The following ZNF385B variants were observed in gnomAD, a reference collection of about 807,000 sequenced individuals.
ZNF385B encodes the protein zinc finger protein 533.
In ZNF385B, 23 loss-of-function variants were observed where a neutral mutation model predicts 39.2. The ratio of observed to expected loss-of-function variants is 0.59; its 90% CI spans 0.42 to 0.83. The LOEUF is 0.83. Among genes scored for constraint, ZNF385B ranks in the 40% least tolerant of loss-of-function variants. ZNF385B has a pLI of 0.00. For missense variants in ZNF385B, 552 were observed against 598.9 expected (o/e 0.92, Z 0.82); for synonymous variants, 205 against 222.6 (o/e 0.92, Z 0.70).
Position 179,539,991 on chromosome 2 carries a change from C to T in ZNF385B, c.441+4836G>A, listed in dbSNP as rs576758733. ...TATTACATATATTTTCAATAAAACT[C>T]AGTAACTAACAATTTTGTTTTTAAC... On this transcript the variant is annotated intron_variant, in intron 4 of 9. Transcript: ENST00000410066. Among the ~76,000 whole-genome samples, 8 of 152,252 alleles carry T rather than the reference C, an allele frequency of 5.3e-5. No homozygotes were observed. In the South Asian group the frequency reaches 1.7e-3, roughly 32 times the overall value.
At chr2:179,675,105 C>T (rs878881640) in intron 3 of ZNF385B, among the ~76,000 whole-genome samples, 1 of 152,160 alleles carries the variant, frequency 6.6e-6, no homozygotes, top group Non-Finnish European at 1.5e-5. Context: ...TGACCAAAAG[C>T]CTTACTGATA....
intron 1 of ZNF385B, among the ~76,000 whole-genome samples, chr2:179,799,281 C>A (rs546707583): frequency 1.5e-4 from 23 of 152,122 alleles, no homozygotes; most frequent in African/African-American, 5.1e-4. Flanking sequence ...TAAAAGCATA[C>A]CTCAAGCTTT....
At chr2:179,455,984 G>T (rs577826298) in intron 6 of ZNF385B, among the ~76,000 whole-genome samples, 5 of 152,070 alleles carry the variant, frequency 3.3e-5, no homozygotes, top group Non-Finnish European at 2.9e-5. Context: ...AGGCTGTACT[G>T]CCTAGATGTG....
intron 6 of ZNF385B, among the ~76,000 whole-genome samples, chr2:179,465,216 C>A (rs1160894081): frequency 6.6e-6 from 1 of 152,104 alleles, no homozygotes; most frequent in Non-Finnish European, 1.5e-5. Flanking sequence ...TCGTTCTAGA[C>A]CCCTTCACCA....
intron 3 of ZNF385B, among the ~76,000 whole-genome samples, chr2:179,696,325 A>ATTTTTTTTTTTTTTTTT (rs1333224792): frequency 6.1e-4 from 6 of 9,834 alleles, no homozygotes; most frequent in Non-Finnish European, 7.9e-4. Context: ...ACAAACTGGG[A>ATTTTTTTTTTTTTTTTT]CTTTTTTTTT....
At chr2:179,554,175 T>C (rs1488761273) in intron 3 of ZNF385B, among the ~76,000 whole-genome samples, 1 of 149,304 alleles carries the variant, frequency 6.7e-6, no homozygotes, top group Admixed American at 6.7e-5. Flanking sequence ...TAACTACTCC[T>C]AATCCTTGAC....
intron 3 of ZNF385B, among the ~76,000 whole-genome samples, chr2:179,619,240 G>A (rs1375696192): frequency 6.6e-6 from 1 of 152,178 alleles, no homozygotes; most frequent in African/African-American, 2.4e-5. Flanking sequence ...TGAAAACACA[G>A]CAAGGGTCTC....
At chr2:179,767,623 A>G (rs1440747360) in intron 3 of ZNF385B, among the ~76,000 whole-genome samples, 3 of 152,184 alleles carry the variant, frequency 2.0e-5, no homozygotes, top group Admixed American at 6.5e-5. Context: ...GACCAAAAAA[A>G]ATGAAATGAT....
At position 179,769,720 on chromosome 2, in the gene ZNF385B, T is replaced by C. The variant is rs567901102; in HGVS notation, c.81A>G (p.Glu27=). ...NMANFLRGFE[E]KGIKNDRPED... is the part of the protein sequence containing the mutation. ...CAGGCCTGTCGTTCTTTATCCCCTT[T>C]TCTTCAAAGCCCCGTAGAAAATTTG... The change falls in exon 3 of 10, where the codon GAA becomes GAG. Residue 27 remains glutamate (E), a synonymous_variant. Transcript: ENST00000410066. 1.9e-6 allele frequency: 3 copies of C among 1,614,172 alleles called. No homozygotes were observed. In the South Asian group the frequency reaches 3.3e-5, roughly 18 times the overall value.
intron 3 of ZNF385B, among the ~76,000 whole-genome samples, chr2:179,635,019 G>A (rs1488640984): frequency 3.3e-5 from 5 of 150,386 alleles, no homozygotes; most frequent in Admixed American, 6.6e-5. Context: ...GCAGGTGCCT[G>A]TATTCCCAGC....
chr2:179,452,064 G>C (rs986834), intron 6 of ZNF385B, among the ~76,000 whole-genome samples: 169 of 152,142 alleles, frequency 1.1e-3, no homozygotes, highest in African/African-American at 4.0e-3. Flanking sequence ...ACATTTAGAA[G>C]GCTTTATCCT....
intron 5 of ZNF385B, among the ~76,000 whole-genome samples, chr2:179,485,096 T>C (rs901886970): frequency 3.9e-5 from 6 of 152,164 alleles, no homozygotes; most frequent in Admixed American, 2.6e-4. Context: ...GGAAGACTTC[T>C]GCAACAGCTA....
At chr2:179,828,302 G>C (rs897425034) in intron 1 of ZNF385B, among the ~76,000 whole-genome samples, 1 of 152,052 alleles carries the variant, frequency 6.6e-6, no homozygotes, top group African/African-American at 2.4e-5. Context: ...CTATATAATA[G>C]GATAAGAGGT....
chr2:179,707,742 A>G (rs1484422643), intron 3 of ZNF385B, among the ~76,000 whole-genome samples: 2 of 152,230 alleles, frequency 1.3e-5, no homozygotes, highest in East Asian at 1.9e-4. Context: ...AAGACAAAGG[A>G]GCCAAAGGAA....
chr2:179,646,410 C>T (rs994861341), intron 3 of ZNF385B, among the ~76,000 whole-genome samples: 2 of 152,230 alleles, frequency 1.3e-5, no homozygotes, highest in African/African-American at 2.4e-5. Flanking sequence ...GAGACTACGT[C>T]TCAAAAAACA....
chr2:179,777,554 TAATA>T (rs952904441), intron 1 of ZNF385B, among the ~76,000 whole-genome samples: 1 of 152,116 alleles, frequency 6.6e-6, no homozygotes, highest in African/African-American at 2.4e-5. Context: ...TTTGTAATGA[TAATA>T]AATAAATACT....
Position 179,835,781 on chromosome 2 carries a change from T to C in ZNF385B, c.-155+25320A>G, listed in dbSNP as rs181075417. 7.2e-5 allele frequency among the ~76,000 whole-genome samples: 11 copies of C among 152,110 alleles called. No homozygotes were observed. In the East Asian group the frequency reaches 1.9e-3, roughly 27 times the overall value. ...CATATCATGTGGGTCCTGGCTGGGG[T>C]GTCACTCTCTTGGCAGGCTTTCTCT... On this transcript the variant is annotated intron_variant, in intron 1 of 9. Coordinates refer to ENST00000410066, the MANE Select transcript of ZNF385B (RefSeq NM_152520.6).
intron 6 of ZNF385B, among the ~76,000 whole-genome samples, chr2:179,464,345 T>G (rs899308268): frequency 3.3e-5 from 5 of 152,206 alleles, no homozygotes; most frequent in East Asian, 1.9e-4. Context: ...AGAAGCTCTT[T>G]AGTTTAATTA....
intron 3 of ZNF385B, among the ~76,000 whole-genome samples, chr2:179,573,063 T>C (rs1685412413): frequency 6.6e-6 from 1 of 152,212 alleles, no homozygotes; most frequent in Admixed American, 6.6e-5. Context: ...TAGCAAGAAT[T>C]CAGATTTAGT....
Sources: allele counts gnomAD v4.1 joint callset (sites outside exome capture counted in the v4.1 genomes callset), GRCh38; gene constraint gnomAD v4.1.1; transcripts MANE v1.5; gene names NCBI Gene and HGNC (gene_info 2026-07-23, HGNC 2026-07-21).